Variants in SUMF2 observed in about 807,000 individuals in gnomAD.
SUMF2 encodes inactive C-alpha-formylglycine-generating enzyme 2.
A neutral mutation model predicts 44.8 loss-of-function variants in SUMF2; 45 were observed. The observed-to-expected ratio is 1.00, with a 90% confidence interval of 0.79 to 1.29. The LOEUF is 1.29. SUMF2 is among the 50% of genes most tolerant of loss of function. SUMF2 has a pLI of 0.00. For synonymous variants in SUMF2, 148 were observed against 150.4 expected, an observed-to-expected ratio of 0.98 and a Z score of 0.12; for missense variants, 418 against 389.9, an observed-to-expected ratio of 1.07 and a Z score of -0.61.
rs558012444 is a variant in SUMF2, at chr7:56,078,666, A to G, written c.821+158A>G. ...AGCCTGTGCCCAGTTGTGGGTACAA[A>G]AAAGAAAGCCAGCAGCACTTGCTAT... On this transcript the variant is annotated intron_variant, in intron 8 of 8. Coordinates refer to ENST00000434526, the MANE Select transcript of SUMF2 (RefSeq NM_015411.4). Among the ~76,000 whole-genome samples, 16 of 152,268 alleles carry G rather than the reference A, an allele frequency of 1.1e-4. No individual in the cohort carries two copies. The East Asian group carries it at 2.7e-3, about 26-fold the overall frequency.
intron 7 of SUMF2, 60 bp downstream of exon 7, chr7:56,078,246 C>G (rs1365939147): frequency 6.3e-7 from 1 of 1,577,894 alleles, no homozygotes; most frequent in Non-Finnish European, 8.7e-7. Flanking sequence ...ACCATCATGT[C>G]TGAGAGAGGA....
chr7:56,080,972 C>T (rs1250253617), downstream of SUMF2: 2 of 1,512,794 alleles, frequency 1.3e-6, no homozygotes, highest in Non-Finnish European at 1.8e-6. Flanking sequence ...CAGAGGCCTG[C>T]ACGCATCTCA....
chr7:56,065,051 G>A (rs972925400), intron 1 of SUMF2, among the ~76,000 whole-genome samples: 1 of 151,558 alleles, frequency 6.6e-6, no homozygotes, highest in African/African-American at 2.4e-5. Flanking sequence ...AATTAGCCGG[G>A]CGTGATGGCG....
intron 1 of SUMF2, among the ~76,000 whole-genome samples, chr7:56,066,492 GC>G (rs1794809017): frequency 1.3e-5 from 2 of 152,146 alleles, no homozygotes; most frequent in Non-Finnish European, 2.9e-5. Flanking sequence ...GTCCCTCCAG[GC>G]TGGAGTGCAG....
chr7:56,081,187 C>T (rs1584616279), downstream of SUMF2: 4 of 1,613,892 alleles, frequency 2.5e-6, no homozygotes, highest in Non-Finnish European at 2.5e-6. The surrounding 1 kb of genome is among the most constrained non-coding windows in gnomAD (Gnocchi z 4.6). Context: ...GATGAGCCGG[C>T]GCAGAGGCCG....
the SUMF2 span, chr7:56,087,668 C>T: frequency 1.2e-6 from 2 of 1,613,918 alleles, no homozygotes; most frequent in Non-Finnish European, 1.7e-6. Flanking sequence ...GCAGCTCCCG[C>T]ACCTCCTCCG....
At position 56,079,620 on chromosome 7, in the gene SUMF2, G is replaced by C. The variant is rs750255890; in HGVS notation, c.*8G>C. 1 of 1,614,228 alleles carries C rather than the reference G, an allele frequency of 6.2e-7. No individual in the cohort carries two copies. The highest frequency in any genetic ancestry group is 8.5e-7 in the Non-Finnish European group (1 of 1,180,038). On this transcript the variant is annotated 3_prime_UTR_variant, in exon 9 of 9. Coordinates refer to ENST00000434526, the MANE Select transcript of SUMF2 (RefSeq NM_015411.4). Reference sequence around the variant, plus strand: ...CCGCCAGGGGAGCTGTAAGCAGCCGGGTGGTGACAAGGAGAAAAGCCTTCT... The same window carrying C: ...CCGCCAGGGGAGCTGTAAGCAGCCGCGTGGTGACAAGGAGAAAAGCCTTCT...
At chr7:56,070,967 CA>C (rs762170138) in intron 2 of SUMF2, among the ~76,000 whole-genome samples, 1 of 152,130 alleles carries the variant, frequency 6.6e-6, no homozygotes, top group Non-Finnish European at 1.5e-5. Context: ...ACTATAGGGA[CA>C]AAAAAACCTG....
intron 5 of SUMF2, 94 bp from the exon 6 acceptor site, chr7:56,076,740 C>A: frequency 8.3e-7 from 1 of 1,211,166 alleles, no homozygotes; most frequent in Non-Finnish European, 1.2e-6. Flanking sequence ...CACCCTCTAA[C>A]TTCCTTTTGA....
the SUMF2 span, among the ~76,000 whole-genome samples, chr7:56,086,354 A>G: frequency 1.3e-5 from 2 of 151,990 alleles, no homozygotes; most frequent in Admixed American, 6.6e-5. Flanking sequence ...GAGACTAACA[A>G]CCAATAATAA....
At chr7:56,079,237 A>T (rs1795805865) in intron 8 of SUMF2, 2 of 535,704 alleles carry the variant, frequency 3.7e-6, no homozygotes, top group African/African-American at 3.8e-5. Flanking sequence ...GCTAACATAG[A>T]AGTTAGTCAC....
intron 5 of SUMF2, 46 bp from the exon 6 acceptor site, chr7:56,076,788 A>T (rs373439938): frequency 3.9e-6 from 6 of 1,529,346 alleles, no homozygotes; most frequent in Non-Finnish European, 5.3e-6. Context: ...TCCTTCCCTA[A>T]TTCTTCACCT....
At position 56,064,341 on chromosome 7, in the gene SUMF2, C is replaced by G. The variant is rs772511956; in HGVS notation, c.30C>G (p.Pro10=). The change falls in exon 1 of 9, where the codon CCC becomes CCG. Residue 10 remains proline, a synonymous_variant. Coordinates refer to ENST00000434526, the MANE Select transcript of SUMF2 (RefSeq NM_015411.4). ...CCCGGCATGGGTTACCGCTGCTGCC[C>G]CTGCTGTCGCTCCTGGTCGGCGCGT... The part of the protein sequence containing the change: MARHGLPLL[P]LLSLLVGAWL... The G allele has an allele frequency of 8.1e-6, 13 of 1,602,374 alleles. No homozygotes were observed. Among genetic ancestry groups the G allele is most frequent in the South Asian group, 1.1e-5 (1 of 89,160 alleles).
intron 1 of SUMF2, among the ~76,000 whole-genome samples, chr7:56,066,974 C>T (rs1395315680): frequency 2.0e-5 from 3 of 152,178 alleles, no homozygotes; most frequent in Admixed American, 1.3e-4. Context: ...TAAAGGTGCT[C>T]ATTCAACTAT....
At chr7:56,074,137 C>T (rs528372429) in intron 3 of SUMF2, 37 bp from the exon 4 acceptor site, 5 of 1,610,150 alleles carry the variant, frequency 3.1e-6, no homozygotes, top group Admixed American at 3.3e-5. Flanking sequence ...TTTGCTGGGC[C>T]GGAGCATCTT....
At chr7:56,074,292 C>T (rs764486732) in intron 4 of SUMF2, 74 bp downstream of exon 4, 21 of 1,430,120 alleles carry the variant, frequency 1.5e-5, no homozygotes, top group Non-Finnish European at 1.9e-5. Flanking sequence ...CTCCTCTCTA[C>T]CCCTCGTACA....
intron 2 of SUMF2, among the ~76,000 whole-genome samples, chr7:56,071,118 A>T (rs1022885976): frequency 6.6e-6 from 1 of 152,070 alleles, no homozygotes; most frequent in African/African-American, 2.4e-5. Context: ...TGTAGTCCCA[A>T]CACTTTGGGA....
chr7:56,085,309 G>T (rs1796206325), downstream of SUMF2, among the ~76,000 whole-genome samples: 1 of 152,066 alleles, frequency 6.6e-6, no homozygotes, highest in African/African-American at 2.4e-5. Context: ...TGTTGCCCAG[G>T]CTGGTCTCAA....
downstream of SUMF2, chr7:56,081,122 T>C (rs1220800837): frequency 6.2e-7 from 1 of 1,613,722 alleles, no homozygotes; most frequent in South Asian, 1.1e-5. The surrounding 1 kb of genome is among the most constrained non-coding windows in gnomAD (Gnocchi z 4.6). Flanking sequence ...GCTGCCCGGT[T>C]CTGCTGCTGC....
Sources: gnomAD v4.1 joint callset for allele counts (sites outside exome capture counted in the v4.1 genomes callset) on GRCh38, gnomAD v4.1.1 for gene constraint, Gnocchi (gnomAD v3.1) non-coding constraint, MANE v1.5 for transcripts, NCBI Gene and HGNC (gene_info 2026-07-23, HGNC 2026-07-21) for gene names.